Variants in GNA14 observed in about 807,000 individuals in gnomAD.
The protein encoded by GNA14 is G protein subunit alpha 14.
A neutral mutation model predicts 42.0 loss-of-function variants in GNA14; 50 were observed. The observed-to-expected ratio is 1.19, with a 90% CI of 0.95 to 1.51. The LOEUF (loss-of-function observed/expected upper bound fraction) is 1.51, where lower values mean the gene tolerates loss of function less well. Among genes scored for constraint, GNA14 ranks in the 40% most tolerant of loss-of-function variants. GNA14 has a pLI of 0.00. For synonymous variants in GNA14, 173 were observed against 163.1 expected (o/e 1.06, Z -0.46); for missense variants, 473 against 446.2 (o/e 1.06, Z -0.54).
At chr9:77,478,871 GTTGT>G (rs1443599159) in intron 2 of GNA14, among the ~76,000 whole-genome samples, 12 of 152,236 alleles carry the variant, frequency 7.9e-5, no homozygotes, top group East Asian at 3.9e-4. Flanking sequence ...TTTTGATGGG[GTTGT>G]TTGTTTTTTT....
chr9:77,486,525 T>C (rs1476991024), intron 2 of GNA14, among the ~76,000 whole-genome samples: 1 of 152,230 alleles, frequency 6.6e-6, no homozygotes, highest in Admixed American at 6.5e-5. Flanking sequence ...ACTTGGCTAT[T>C]TGGTGCAAGA....
At chr9:77,546,709 G>C (rs188472734) in intron 1 of GNA14, among the ~76,000 whole-genome samples, 4 of 152,188 alleles carry the variant, frequency 2.6e-5, no homozygotes, top group African/African-American at 9.6e-5. Flanking sequence ...GCCAAAAAAA[G>C]TTCCTTAAAT....
chr9:77,529,599 T>A (rs1356583338), intron 1 of GNA14, among the ~76,000 whole-genome samples: 1 of 152,212 alleles, frequency 6.6e-6, no homozygotes, highest in Non-Finnish European at 1.5e-5. Flanking sequence ...AGGGAGGGTT[T>A]GAGCCATAGG....
At chr9:77,643,924 AT>A (rs1173007210) in intron 1 of GNA14, among the ~76,000 whole-genome samples, 1 of 152,138 alleles carries the variant, frequency 6.6e-6, no homozygotes, top group Non-Finnish European at 1.5e-5. Flanking sequence ...AGCCCAGAGA[AT>A]TTAGTCCACA....
At position 77,519,271 on chromosome 9, in the gene GNA14, C is replaced by T. The variant is rs538205678; in HGVS notation, c.309+9798G>A. Among the ~76,000 whole-genome samples, 30 of 152,028 alleles carry T rather than the reference C, an allele frequency of 2.0e-4. No homozygotes were observed. The South Asian group carries it at 3.5e-3, about 18-fold the overall frequency. ...ACTAAAAATACAAAAATTAGCTGGG[C>T]GTGGTGGCGGGTGCCTGTATTCCCA... On this transcript the variant is annotated intron_variant, in intron 2 of 6. Transcript: ENST00000341700.
chr9:77,592,137 C>T (rs1265402188), intron 1 of GNA14, among the ~76,000 whole-genome samples: 7 of 151,934 alleles, frequency 4.6e-5, no homozygotes, highest in East Asian at 1.9e-4. Flanking sequence ...CTCCTGACCT[C>T]GTGATCCGCC....
At chr9:77,505,834 A>T (rs923922114) in intron 2 of GNA14, among the ~76,000 whole-genome samples, 2 of 152,242 alleles carry the variant, frequency 1.3e-5, no homozygotes, top group Admixed American at 1.3e-4. Context: ...ATCAGGTAAC[A>T]GGTGCATGAT....
intron 1 of GNA14, among the ~76,000 whole-genome samples, chr9:77,555,663 TAA>T (rs1822762260): frequency 6.6e-6 from 1 of 152,082 alleles, no homozygotes; most frequent in African/African-American, 2.4e-5. Flanking sequence ...ATGTCAAAAC[TAA>T]AGAGTTGGAG....
At chr9:77,500,471 G>A (rs1337239924) in intron 2 of GNA14, among the ~76,000 whole-genome samples, 1 of 152,172 alleles carries the variant, frequency 6.6e-6, no homozygotes, top group Admixed American at 6.5e-5. Flanking sequence ...TTCCTCCAAT[G>A]GTAACATACT....
chr9:77,430,855 A>T (rs1008674421), intron 4 of GNA14, among the ~76,000 whole-genome samples: 1 of 152,188 alleles, frequency 6.6e-6, no homozygotes, highest in Non-Finnish European at 1.5e-5. Context: ...CACAGCTGTT[A>T]GTTTGTACAT....
At chr9:77,562,935 T>C (rs752392788) in intron 1 of GNA14, among the ~76,000 whole-genome samples, 3 of 152,150 alleles carry the variant, frequency 2.0e-5, no homozygotes, top group Non-Finnish European at 4.4e-5. Context: ...TAGGTCTTCA[T>C]TAGTTTATTC....
rs1837000224 is a variant in GNA14, at chr9:77,503,000, A to T, written c.309+26069T>A. On this transcript the variant is annotated intron_variant, in intron 2 of 6. Coordinates refer to ENST00000341700, the MANE Select transcript of GNA14 (RefSeq NM_004297.4). ...ATCTTTAGCTCAGAGTCTGGAATAT[A>T]TGAGGCAATAAGGAAACCCAGGCAA... Among the ~76,000 whole-genome samples the T allele has an allele frequency of 2.0e-5, 3 of 152,056 alleles. No individual in the cohort carries two copies. In the South Asian group the frequency reaches 6.2e-4, roughly 32 times the overall value.
chr9:77,431,906 T>G (rs1461354311), intron 3 of GNA14, among the ~76,000 whole-genome samples: 1 of 152,060 alleles, frequency 6.6e-6, no homozygotes, highest in Non-Finnish European at 1.5e-5. Flanking sequence ...TTAAATAGTT[T>G]CTAAGAAAAT....
At chr9:77,579,283 T>C (rs1823177650) in intron 1 of GNA14, among the ~76,000 whole-genome samples, 1 of 152,124 alleles carries the variant, frequency 6.6e-6, no homozygotes, top group Admixed American at 6.5e-5. Context: ...TGAGAAGACA[T>C]TGCCAACAAA....
At chr9:77,445,215 G>A (rs1835795946) in intron 2 of GNA14, among the ~76,000 whole-genome samples, 1 of 152,166 alleles carries the variant, frequency 6.6e-6, no homozygotes, top group Non-Finnish European at 1.5e-5. Context: ...GTATGGAGCG[G>A]GGGTACGAGA....
intron 1 of GNA14, among the ~76,000 whole-genome samples, chr9:77,590,485 G>A (rs1290437671): frequency 6.6e-6 from 1 of 152,168 alleles, no homozygotes; most frequent in Admixed American, 6.5e-5. Flanking sequence ...CTGGGAAAAT[G>A]GCATGGCATG....
At chr9:77,503,789 G>T (rs1426772355) in intron 2 of GNA14, among the ~76,000 whole-genome samples, 1 of 151,656 alleles carries the variant, frequency 6.6e-6, no homozygotes, top group Non-Finnish European at 1.5e-5. Context: ...TAGGATTACA[G>T]GTGCCTGCCA....
intron 1 of GNA14, among the ~76,000 whole-genome samples, chr9:77,636,978 T>C (rs1208990958): frequency 6.6e-6 from 1 of 152,194 alleles, no homozygotes; most frequent in Non-Finnish European, 1.5e-5. Flanking sequence ...TACCTAATGG[T>C]TATTAGCCAT....
At chr9:77,597,418 T>G (rs566392825) in intron 1 of GNA14, among the ~76,000 whole-genome samples, 16 of 152,178 alleles carry the variant, frequency 1.1e-4, no homozygotes, top group Admixed American at 3.3e-4. Flanking sequence ...GTGGACACAG[T>G]ATAACGTTAA....
Sources: allele counts gnomAD v4.1 joint callset (sites outside exome capture counted in the v4.1 genomes callset), GRCh38; gene constraint gnomAD v4.1.1; transcripts MANE v1.5; gene names NCBI Gene and HGNC (gene_info 2026-07-23, HGNC 2026-07-21).